CACNA1A: variants seen among roughly 807,000 people sequenced by gnomAD.
The protein encoded by CACNA1A is calcium voltage-gated channel subunit alpha1 A.
Under a neutral mutation model 262.4 loss-of-function variants are expected in CACNA1A, and 57 were observed. The ratio of observed to expected loss-of-function variants is 0.22; its 90% CI spans 0.18 to 0.27. The LOEUF (loss-of-function observed/expected upper bound fraction) is 0.27. Among genes scored for constraint, CACNA1A ranks in the 10% least tolerant of loss-of-function variants. CACNA1A has a pLI of 1.00. For missense variants in CACNA1A, 2,526 were observed against 3,562.8 expected, an observed-to-expected ratio of 0.71 and a Z score of 7.41; for synonymous variants, 1,431 against 1,419.3, an observed-to-expected ratio of 1.01 and a Z score of -0.18.
chr19:13,262,824 G>A lies in CACNA1A; in HGVS notation c.3999C>T (p.Ser1333=). The A allele has an allele frequency of 6.2e-7, 1 of 1,609,884 alleles. No homozygotes were observed. The change falls in exon 25 of 47, where the codon AGC becomes AGT. Residue 1333 remains serine, a synonymous_variant. Coordinates refer to ENST00000360228, the MANE Select transcript of CACNA1A (RefSeq NM_001127222.2). ...ALVAFAFTGN[S]KGKDINTIKS... ...TAATCGTGTTGATGTCTTTTCCTTT[G>A]CTATTGCCACTGTGGAGGAATGTTT...
chr19:13,505,831 A>G, intron 1 of CACNA1A, 101 bp downstream of exon 1: 1 of 1,227,974 alleles, frequency 8.1e-7, no homozygotes, highest in Non-Finnish European at 1.2e-6. Flanking sequence ...CCTCCTCCCC[A>G]CCTCCCATCA....
At chr19:13,363,505 C>A (rs61192281) in intron 5 of CACNA1A, 67,419 of 141,990 alleles carry the variant, frequency 0.47, 18,255 homozygotes, top group African/African-American at 0.76. Flanking sequence ...AAAAAAAAAC[C>A]AACAAACCAA....
Position 13,208,890 on chromosome 19 carries a change from G to A in CACNA1A, c.6646C>T (p.His2216Tyr), listed in dbSNP as rs760470308. 2.3e-5 allele frequency: 36 copies of A among 1,534,152 alleles called. No individual in the cohort carries two copies. Among genetic ancestry groups the A allele is most frequent in the Non-Finnish European group, 3.0e-5 (34 of 1,145,224 alleles). ...TCGGGGGGCGGGGGATGGTGGTGGT[G>A]GTGGTGGTGGTGGTGGTGCTGTCGA... ...KHRQHHHHHH[H>Y]HHHPPPPDKD... Residue 2216 changes from histidine to tyrosine, a missense_variant, in exon 46 of 47, where the codon CAC becomes TAC. Around this residue, in one of 17 missense-constraint regions of CACNA1A, gnomAD observed 929 missense variants for 868.1 expected, o/e 1.07. Coordinates refer to ENST00000360228, the MANE Select transcript of CACNA1A (RefSeq NM_001127222.2).
chr19:13,277,556 G>T (rs2057180467), intron 22 of CACNA1A: 1 of 153,768 alleles, frequency 6.5e-6, no homozygotes, highest in Admixed American at 6.5e-5. Context: ...TTGCTACGTG[G>T]TTTTTTTAAA....
rs1216229073 is a variant in CACNA1A at position 13,402,867 on chromosome 19, CACACACATATATATATATATAT to C, written c.540-31110_540-31089del. Among the ~76,000 whole-genome samples, 208 of 72,490 alleles carry C rather than the reference CACACACATATATATATATATAT, an allele frequency of 2.9e-3. 2 individuals carry two copies. Among genetic ancestry groups the C allele is most frequent in the African/African-American group, 0.013 (195 of 14,928 alleles). 47.6% of individuals were successfully genotyped at this position (72,490 alleles called of 152,430 possible). A position where few individuals can be genotyped will look rare whatever the true frequency, so the allele number is the denominator to read the frequency against. On this transcript the variant is annotated intron_variant, in intron 3 of 46. Coordinates refer to ENST00000360228, the MANE Select transcript of CACNA1A (RefSeq NM_001127222.2). The stretch of plus-strand genomic sequence containing the variant: ...ATACACATATATATATACACACACA[CACACACATATATATATATATAT>C]ATATATATATATATATATATATATA...
chr19:13,334,498 A>G lies in CACNA1A; in HGVS notation c.1083-5T>C, dbSNP rs1466902354. On this transcript the variant is annotated splice_polypyrimidine_tract_variant and splice_region_variant and intron_variant, in intron 7 of 46. Transcript: ENST00000360228. The stretch of plus-strand genomic sequence containing the variant: ...TCCCTTTCTTTGGCAAACTCCCTGG[A>G]GAAGCATAGAAAAGCCAGAGTATGG... 1 of 1,560,162 alleles carries G rather than the reference A, an allele frequency of 6.4e-7. No individual in the cohort carries two copies.
intron 24 of CACNA1A, among the ~76,000 whole-genome samples, chr19:13,270,806 C>T (rs921687799): frequency 1.3e-5 from 2 of 152,122 alleles, no homozygotes; most frequent in African/African-American, 4.8e-5. Context: ...ATCCCTTCGG[C>T]CATGATATAA....
At position 13,224,762 on chromosome 19, in the gene CACNA1A, C is replaced by G. The variant is rs1010331313; in HGVS notation, c.5636G>C (p.Arg1879Pro). ...GTCATCTGCGACGGGCAGGTCCATC[C>G]GCAGAAGCCGCTACAGAAAACCCAA... ...PARVAYKRLL[R>P]MDLPVADDNT... Residue 1879 changes from arginine (R) to proline (P), a missense_variant, in exon 38 of 47, where the codon CGG becomes CCG. Arg to Pro is a moderately radical substitution (Grantham distance 103). Transcript: ENST00000360228. 6.2e-7 allele frequency: 1 copy of G among 1,604,872 alleles called. No individual in the cohort carries two copies. The highest frequency in any genetic ancestry group is 8.5e-7 in the Non-Finnish European group (1 of 1,176,442).
At position 13,234,954 on chromosome 19, in the gene CACNA1A, C is replaced by T. The variant is rs770276164; in HGVS notation, c.5216G>A (p.Arg1739Gln). Residue 1739 changes from arginine to glutamine, a missense_variant, in exon 34 of 47, where the codon CGG (arginine) becomes CAG (glutamine). This residue lies in a region of CACNA1A where 39 missense variants were observed against 124.9 expected (regional missense o/e 0.31). Transcript: ENST00000360228. ...AAGCATGAGGGCCTGGAAGAAGGTC[C>T]GGAAGTTATTGTGCTCAGTGATTTG... ...EFQITEHNNFRTFFQALMLLF... is the reference protein window; with the variant it reads ...EFQITEHNNFQTFFQALMLLF... 1.9e-6 allele frequency: 3 copies of T among 1,613,684 alleles called. No homozygotes were observed. Among genetic ancestry groups the T allele is most frequent in the Non-Finnish European group, 1.7e-6 (2 of 1,179,594 alleles).
chr19:13,454,364 C>CT (rs1011123950), intron 2 of CACNA1A, among the ~76,000 whole-genome samples: 4 of 151,398 alleles, frequency 2.6e-5, no homozygotes, highest in East Asian at 2.0e-4. Context: ...ATTCTTGTTT[C>CT]TTTTTTTTCG....
At position 13,506,272 on chromosome 19, in the gene CACNA1A, G is replaced by A. The variant is rs1983029907; in HGVS notation, c.-48C>T. 6.5e-6 allele frequency: 9 copies of A among 1,390,330 alleles called. No homozygotes were observed. Among genetic ancestry groups the A allele is most frequent in the Non-Finnish European group, 7.4e-6 (8 of 1,083,046 alleles). The allele number at this position is 1,390,330 out of a possible 1,614,324, so 86.1% of individuals were successfully genotyped here. On this transcript the variant is annotated 5_prime_UTR_variant, in exon 1 of 47. Coordinates refer to ENST00000360228, the MANE Select transcript of CACNA1A (RefSeq NM_001127222.2). ...GGGTTACGCTGCGGCGAACGATGCGGAAGACGCCGCCGCCGCCGCCGCCGC... is the reference window on the plus strand; with the variant it reads ...GGGTTACGCTGCGGCGAACGATGCGAAAGACGCCGCCGCCGCCGCCGCCGC...
At chr19:13,442,412 G>T (rs1159469591) in intron 3 of CACNA1A, among the ~76,000 whole-genome samples, 2 of 152,182 alleles carry the variant, frequency 1.3e-5, no homozygotes, top group Non-Finnish European at 2.9e-5. Flanking sequence ...ATCTGGCTCA[G>T]CAAACTCTGT....
intron 6 of CACNA1A, among the ~76,000 whole-genome samples, chr19:13,338,610 A>T (rs1193017242): frequency 6.6e-6 from 1 of 152,204 alleles, no homozygotes; most frequent in Non-Finnish European, 1.5e-5. Flanking sequence ...AACGTCAAGC[A>T]AAAGAAGCCA....
chr19:13,413,919 G>GAAAAGAAAAGA (rs768867380), intron 3 of CACNA1A, among the ~76,000 whole-genome samples: 1 of 131,182 alleles, frequency 7.6e-6, no homozygotes, highest in African/African-American at 3.0e-5. Flanking sequence ...AAGAAAGAAA[G>GAAAAGAAAAGA]AAAGAAAGAA....
intron 38 of CACNA1A, among the ~76,000 whole-genome samples, chr19:13,219,042 ATTTTTTTTT>A (rs554840529): frequency 8.5e-6 from 1 of 118,030 alleles, no homozygotes; most frequent in African/African-American, 3.3e-5. Context: ...CCCTTTGCAG[ATTTTTTTTT>A]TTTTTTTTTT....
intron 1 of CACNA1A, among the ~76,000 whole-genome samples, chr19:13,477,617 G>A (rs535926343): frequency 5.8e-4 from 89 of 152,202 alleles, no homozygotes; most frequent in Non-Finnish European, 9.8e-4. Context: ...ACACAGCAAA[G>A]ATGGACCAGG....
At chr19:13,334,678 A>C (rs1348279186) in intron 7 of CACNA1A, among the ~76,000 whole-genome samples, 185 bp from the exon 8 acceptor site, 1 of 151,610 alleles carries the variant, frequency 6.6e-6, no homozygotes, top group Non-Finnish European at 1.5e-5. Flanking sequence ...CTGGGAAAAG[A>C]CTGGGATATT....
At chr19:13,331,581 C>G (rs2058469732) in intron 9 of CACNA1A, among the ~76,000 whole-genome samples, 2 of 152,202 alleles carry the variant, frequency 1.3e-5, no homozygotes, top group African/African-American at 4.8e-5. Flanking sequence ...AAATCTCAAG[C>G]AAGAAGTTGC....
At chr19:13,313,297 T>A (rs910036849) in intron 11 of CACNA1A, among the ~76,000 whole-genome samples, 1 of 151,328 alleles carries the variant, frequency 6.6e-6, no homozygotes, top group South Asian at 2.1e-4. Flanking sequence ...AGGTCAGGAG[T>A]TTGAGACCAG....
Sources: allele counts gnomAD v4.1 joint callset (sites outside exome capture counted in the v4.1 genomes callset), GRCh38; gene constraint gnomAD v4.1.1; regional missense constraint gnomAD v4.1.1; transcripts MANE v1.5; gene names NCBI Gene and HGNC (gene_info 2026-07-23, HGNC 2026-07-21).